The following ADGRL3 variants were observed in gnomAD, a reference collection of about 807,000 sequenced individuals.
The protein encoded by ADGRL3 is adhesion G protein-coupled receptor L3.
A neutral mutation model predicts 153.5 loss-of-function variants in ADGRL3; 62 were observed. The ratio of observed to expected loss-of-function variants is 0.40; its 90% CI spans 0.33 to 0.50. The LOEUF (loss-of-function observed/expected upper bound fraction) is 0.50, where lower values mean the gene tolerates loss of function less well. ADGRL3 is among the 20% of genes least tolerant of loss of function. The probability of loss-of-function intolerance (pLI) is 0.47; values close to 1 mark genes in which losing one functional copy is unlikely to be tolerated. For missense variants in ADGRL3, 1,641 were observed against 1,859.4 expected, an observed-to-expected ratio of 0.88 and a Z score of 2.16; for synonymous variants, 710 against 672.5, an observed-to-expected ratio of 1.06 and a Z score of -0.86.
chr4:61,867,236 T>C (rs2098405819), intron 9 of ADGRL3, among the ~76,000 whole-genome samples: 1 of 151,934 alleles, frequency 6.6e-6, no homozygotes, highest in Non-Finnish European at 1.5e-5. Context: ...CAGTGGCTCA[T>C]GCCTGTAACC....
intron 9 of ADGRL3, among the ~76,000 whole-genome samples, chr4:61,842,843 T>C (rs890831502): frequency 2.0e-5 from 3 of 152,216 alleles, no homozygotes; most frequent in Admixed American, 2.0e-4. Flanking sequence ...TGAAGACTTC[T>C]AGTCGTGAAT....
intron 4 of ADGRL3, among the ~76,000 whole-genome samples, chr4:61,533,089 A>G (rs377563665): frequency 6.6e-6 from 1 of 152,244 alleles, no homozygotes; most frequent in Non-Finnish European, 1.5e-5. Flanking sequence ...ATAAAACAAA[A>G]GAATAAGCAA....
intron 2 of ADGRL3, among the ~76,000 whole-genome samples, chr4:61,437,208 G>A (rs2097458613): frequency 6.6e-6 from 1 of 152,050 alleles, no homozygotes; most frequent in East Asian, 1.9e-4. Flanking sequence ...AGAATGTTCA[G>A]ATTAAATTTT....
Position 61,724,947 on chromosome 4 carries a change from T to A in ADGRL3, c.584-5675T>A, listed in dbSNP as rs114784050. On this transcript the variant is annotated intron_variant, in intron 6 of 26. Transcript: ENST00000683033. ...CCTTAGTCAAGAAATGTGGAAACCA[T>A]TTTTTTTCCTGTATTTTATCTTCTC... Among the ~76,000 whole-genome samples the A allele has an allele frequency of 9.0e-3, 1,375 of 152,030 alleles. 30 individuals are homozygous for A. The highest frequency in any genetic ancestry group is 0.031 in the African/African-American group (1,304 of 41,468).
At chr4:61,331,957 G>A (rs2095581808) in intron 1 of ADGRL3, among the ~76,000 whole-genome samples, 1 of 151,918 alleles carries the variant, frequency 6.6e-6, no homozygotes, top group Non-Finnish European at 1.5e-5. Flanking sequence ...CTGTAGGAGT[G>A]GACAAGTGGC....
chr4:61,622,909 G>A (rs1156347188), intron 5 of ADGRL3, among the ~76,000 whole-genome samples: 1 of 151,968 alleles, frequency 6.6e-6, no homozygotes, highest in African/African-American at 2.4e-5. Context: ...CTATTATAAT[G>A]TCATCCTTTT....
intron 1 of ADGRL3, among the ~76,000 whole-genome samples, chr4:61,314,208 G>GTTTT (rs372800861): frequency 7.0e-6 from 1 of 141,994 alleles, no homozygotes; most frequent in Non-Finnish European, 1.5e-5. Context: ...CTACTTTGAA[G>GTTTT]TTTTTTTTTT....
chr4:61,767,616 G>T (rs2097012519), intron 8 of ADGRL3, among the ~76,000 whole-genome samples: 2 of 152,132 alleles, frequency 1.3e-5, no homozygotes, highest in African/African-American at 4.8e-5. Context: ...AGAGTTCCAG[G>T]AGCTCTGGGA....
chr4:61,588,092 T>G (rs2098953976), intron 5 of ADGRL3, among the ~76,000 whole-genome samples: 1 of 151,728 alleles, frequency 6.6e-6, no homozygotes. Context: ...TATATAAGGT[T>G]TAAATTATGT....
At chr4:61,660,164 G>A (rs553173848) in intron 5 of ADGRL3, among the ~76,000 whole-genome samples, 3 of 152,012 alleles carry the variant, frequency 2.0e-5, no homozygotes, top group Admixed American at 6.6e-5. Flanking sequence ...GTCTTTCTTC[G>A]TGTATGCATA....
chr4:61,852,557 C>T (rs981768209), intron 9 of ADGRL3, among the ~76,000 whole-genome samples: 4 of 152,046 alleles, frequency 2.6e-5, no homozygotes, highest in East Asian at 1.9e-4. Flanking sequence ...TCAAGCGATC[C>T]GCCCGCCTCG....
chr4:61,282,217 A>G (rs2093748225), intron 1 of ADGRL3, among the ~76,000 whole-genome samples: 1 of 152,094 alleles, frequency 6.6e-6, no homozygotes. Flanking sequence ...GTCTGTAAAG[A>G]ATGCTATTTA....
At chr4:61,632,157 T>A (rs1157533383) in intron 5 of ADGRL3, among the ~76,000 whole-genome samples, 5 of 152,226 alleles carry the variant, frequency 3.3e-5, no homozygotes, top group Non-Finnish European at 7.3e-5. Context: ...TGTCTAATTT[T>A]ATTATTTCAG....
At chr4:61,337,609 G>A (rs1280145194) in intron 1 of ADGRL3, among the ~76,000 whole-genome samples, 1 of 152,108 alleles carries the variant, frequency 6.6e-6, no homozygotes, top group Non-Finnish European at 1.5e-5. Flanking sequence ...TGGAGATAAT[G>A]TGTTCACTCT....
intron 2 of ADGRL3, among the ~76,000 whole-genome samples, chr4:61,409,003 T>C (rs191392034): frequency 4.6e-5 from 7 of 151,758 alleles, no homozygotes; most frequent in South Asian, 4.2e-4. Context: ...TGACCCTTAA[T>C]GTGTCATCAA....
rs185872147 is a variant in ADGRL3 at position 61,754,670 on chromosome 4, C to T, written c.1399+21116C>T. Among the ~76,000 whole-genome samples, 431 of 152,006 alleles carry T rather than the reference C, an allele frequency of 2.8e-3. 3 individuals are homozygous for T. The highest frequency in any genetic ancestry group is 9.9e-3 in the African/African-American group (412 of 41,450). On this transcript the variant is annotated intron_variant, in intron 8 of 26. Transcript: ENST00000683033. ...TTCTAGGGTACATGTGCACAATGTGCAGGTTAGTTACATATGTATACATGT... is the reference window on the plus strand; with the variant it reads ...TTCTAGGGTACATGTGCACAATGTGTAGGTTAGTTACATATGTATACATGT...
At chr4:61,760,189 A>T (rs2096893514) in intron 8 of ADGRL3, among the ~76,000 whole-genome samples, 1 of 152,094 alleles carries the variant, frequency 6.6e-6, no homozygotes, top group Admixed American at 6.5e-5. Flanking sequence ...CAAAGCTGTC[A>T]GACAGGGACA....
At chr4:61,231,477 G>C (rs1451914581) in intron 1 of ADGRL3, among the ~76,000 whole-genome samples, 3 of 151,910 alleles carry the variant, frequency 2.0e-5, no homozygotes, top group Admixed American at 2.0e-4. Flanking sequence ...TCCCAGTGTT[G>C]GGTCTTCATT....
chr4:61,946,539 A>G (rs534738835), intron 15 of ADGRL3, among the ~76,000 whole-genome samples: 18 of 152,302 alleles, frequency 1.2e-4, no homozygotes, highest in Non-Finnish European at 1.9e-4. Context: ...AGTTTAGTAT[A>G]TCATTTTATG....
Sources: allele counts gnomAD v4.1 joint callset (sites outside exome capture counted in the v4.1 genomes callset), GRCh38; gene constraint gnomAD v4.1.1; transcripts MANE v1.5; gene names NCBI Gene and HGNC (gene_info 2026-07-23, HGNC 2026-07-21).